Variants in SPPL2B observed in about 807,000 individuals in gnomAD.
The protein encoded by SPPL2B is signal peptide peptidase-like 2B.
SPPL2B carries 39 observed loss-of-function variants against 59.7 expected under a neutral mutation model. That is an observed-to-expected ratio of 0.65 (90% CI 0.51 to 0.85). The LOEUF is 0.85. Ranked by LOEUF, SPPL2B falls within the 40% of genes least tolerant of loss-of-function variation. The pLI is 0.00. For missense variants in SPPL2B, 865 were observed against 849.0 expected (o/e 1.02, Z -0.23); for synonymous variants, 419 against 370.8 (o/e 1.13, Z -1.49).
chr19:2,330,779 G>A (rs766854327), intron 1 of SPPL2B: 54 of 152,610 alleles, frequency 3.5e-4, no homozygotes, highest in Non-Finnish European at 5.0e-4. Flanking sequence ...GCCGTGGAAG[G>A]CGCTTGGTGC....
chr19:2,346,437 G>C (rs1449198778), intron 13 of SPPL2B, among the ~76,000 whole-genome samples: 1 of 152,258 alleles, frequency 6.6e-6, no homozygotes, highest in Non-Finnish European at 1.5e-5. Flanking sequence ...AGGCTGAAGT[G>C]GGAGGATTGC....
chr19:2,351,972 G>A (rs981487457), intron 14 of SPPL2B, among the ~76,000 whole-genome samples: 1 of 152,172 alleles, frequency 6.6e-6, no homozygotes, highest in African/African-American at 2.4e-5. Flanking sequence ...GGCATCCATC[G>A]CCTCTCCTGC....
intron 8 of SPPL2B, chr19:2,342,619 C>G (rs1221034615): frequency 6.5e-6 from 1 of 153,032 alleles, no homozygotes; most frequent in Non-Finnish European, 1.5e-5. Context: ...TGCCACCAAA[C>G]TCCAGCCTGG....
At chr19:2,341,488 C>T (rs761778125) in intron 8 of SPPL2B, 4 of 445,828 alleles carry the variant, frequency 9.0e-6, no homozygotes, top group South Asian at 6.3e-5. Flanking sequence ...TCACCTCCCA[C>T]GTGGCCTGGA....
At chr19:2,343,070 C>CA (rs1969150715) in intron 8 of SPPL2B, 141 bp from the exon 9 acceptor site, 1 of 691,052 alleles carries the variant, frequency 1.4e-6, no homozygotes, top group East Asian at 2.7e-5. Flanking sequence ...CTGGGGTCCT[C>CA]AGAGTCATCC....
At chr19:2,333,376 T>C (rs994663724) in intron 1 of SPPL2B, among the ~76,000 whole-genome samples, 12 of 152,140 alleles carry the variant, frequency 7.9e-5, no homozygotes, top group Non-Finnish European at 1.5e-4. Context: ...TGGGCTCTGC[T>C]GGGAGGACCG....
intron 1 of SPPL2B, chr19:2,330,275 A>ATTTTTT (rs71176540): frequency 0.029 from 3,832 of 132,122 alleles, 160 homozygotes; most frequent in African/African-American, 0.072. Flanking sequence ...TCCTGGCTAA[A>ATTTTTT]TTTTTTTTTT....
chr19:2,337,506 C>G lies in SPPL2B; in HGVS notation c.250C>G (p.Arg84Gly). The change falls in exon 3 of 15, where the codon CGT becomes GGT. Residue 84 changes from arginine (R) to glycine (G), a missense_variant. By Grantham distance (125) the Arg-to-Gly change is moderately radical. Coordinates refer to ENST00000613503, the MANE Select transcript of SPPL2B (RefSeq NM_152988.3). ...LLCSAADLPARGFSNQIPLVA... is the reference protein window; with the variant it reads ...LLCSAADLPAGGFSNQIPLVA... ...CTGCTCCGCAGCCGACCTCCCCGCC[C>G]GTGGCTTCAGCAACCAGATCCCGCT... 6.2e-7 allele frequency: 1 copy of G among 1,613,308 alleles called. No homozygotes were observed. Among genetic ancestry groups the G allele is most frequent in the Non-Finnish European group, 8.5e-7 (1 of 1,179,678 alleles).
intron 14 of SPPL2B, 41 bp downstream of exon 14, chr19:2,351,635 A>G (rs750790449): frequency 1.0e-5 from 16 of 1,578,894 alleles, no homozygotes; most frequent in Non-Finnish European, 1.4e-5. Flanking sequence ...ATACTCGCCT[A>G]GTGAGCCCTA....
intron 13 of SPPL2B, among the ~76,000 whole-genome samples, chr19:2,349,405 G>GCA: frequency 3.1e-5 from 2 of 63,658 alleles, no homozygotes; most frequent in African/African-American, 1.2e-4. Flanking sequence ...ACACACTCGT[G>GCA]TTCTCATTCG....
intron 13 of SPPL2B, among the ~76,000 whole-genome samples, chr19:2,347,250 C>A (rs1161072037): frequency 1.5e-5 from 2 of 130,640 alleles, no homozygotes; most frequent in Non-Finnish European, 3.3e-5. Flanking sequence ...CGCTTGATGC[C>A]GTTCTCTCTC....
At position 2,339,122 on chromosome 19, in the gene SPPL2B, G is replaced by C; in HGVS notation, c.513G>C (p.Leu171=). ...TGTATGCGCCTAAGGAGCCGGTGCT[G>C]GACTACAACATGGTCATCATCTTCA... The part of the protein sequence containing the change: ...AALYAPKEPV[L]DYNMVIIFIM... The change falls in exon 5 of 15, where the codon CTG becomes CTC. Residue 171 remains leucine, a synonymous_variant. Transcript: ENST00000613503. 1 of 1,585,500 alleles carries C rather than the reference G, an allele frequency of 6.3e-7. No homozygotes were observed. Among genetic ancestry groups the C allele is most frequent in the East Asian group, 2.3e-5 (1 of 43,376 alleles).
intron 2 of SPPL2B, among the ~76,000 whole-genome samples, chr19:2,335,720 T>C (rs1968560828): frequency 6.7e-6 from 1 of 149,730 alleles, no homozygotes; most frequent in African/African-American, 2.5e-5. Context: ...TCCCACCGCA[T>C]CCCTCAGGCC....
rs531968218 is a variant in SPPL2B at position 2,339,678 on chromosome 19, C to A, written c.600-146C>A. 4 of 883,348 alleles carry A rather than the reference C, an allele frequency of 4.5e-6. No individual in the cohort carries two copies. The South Asian group carries it at 6.5e-5, about 14-fold the overall frequency. 54.7% of individuals were successfully genotyped at this position (883,348 alleles called of 1,614,324 possible). ...TGGTCTCCTCTGCCCTGGGGACGTT[C>A]GGGGCGGTTCCTTGCACTTCAGTCC... On this transcript the variant is annotated intron_variant, in intron 5 of 14. Coordinates refer to ENST00000613503, the MANE Select transcript of SPPL2B (RefSeq NM_152988.3).
At chr19:2,340,526 T>C (rs747795697) in intron 7 of SPPL2B, 10 of 586,002 alleles carry the variant, frequency 1.7e-5, no homozygotes, top group African/African-American at 9.4e-5. Context: ...AGGGAGCTGC[T>C]GGGGGGTCTC....
intron 13 of SPPL2B, among the ~76,000 whole-genome samples, chr19:2,350,722 C>T (rs1015795210): frequency 2.0e-5 from 3 of 152,250 alleles, no homozygotes; most frequent in African/African-American, 4.8e-5. Flanking sequence ...ATCACGTTTG[C>T]GTTTGTAGGA....
chr19:2,336,550 T>G (rs1968627621), intron 2 of SPPL2B, among the ~76,000 whole-genome samples: 1 of 151,880 alleles, frequency 6.6e-6, no homozygotes, highest in African/African-American at 2.4e-5. Flanking sequence ...TGTATGCATG[T>G]GTGTGTAATA....
In SPPL2B at chr19:2,353,109, G is replaced by GT; in HGVS notation, c.1679_1680insT (p.Ala561GlyfsTer13). The GT allele has an allele frequency of 6.2e-7, 1 of 1,610,954 alleles. No individual in the cohort carries two copies. The highest frequency in any genetic ancestry group is 8.5e-7 in the Non-Finnish European group (1 of 1,179,290). On this transcript the variant is annotated frameshift_variant, in exon 15 of 15. Transcript: ENST00000613503. LOFTEE classifies it low-confidence loss of function (END_TRUNC). Reference sequence around the variant, plus strand: ...AAATCACGCACGTCCGAGGAGATGGGGGCTGGAGCCCCCATGCGGGAGCCT... The same window carrying GT: ...AAATCACGCACGTCCGAGGAGATGGGTGGCTGGAGCCCCCATGCGGGAGCCT...
intron 3 of SPPL2B, 22 bp downstream of exon 3, chr19:2,337,647 G>C: frequency 6.6e-7 from 1 of 1,524,260 alleles, no homozygotes; most frequent in Middle Eastern, 2.2e-4. Context: ...TGCGTCCCCC[G>C]CTGGGCCAGC....
Sources: allele counts gnomAD v4.1 joint callset (sites outside exome capture counted in the v4.1 genomes callset), GRCh38; gene constraint gnomAD v4.1.1; transcripts MANE v1.5; gene names NCBI Gene and HGNC (gene_info 2026-07-23, HGNC 2026-07-21).